The following HS6ST3 variants were observed in gnomAD, a reference collection of about 807,000 sequenced individuals.
HS6ST3 encodes heparan sulfate 6-O-sulfotransferase 3, also known as heparan-sulfate 6-O-sulfotransferase 3.
In HS6ST3, 12 loss-of-function variants were observed where a neutral mutation model predicts 36.7. The ratio of observed to expected loss-of-function variants is 0.33; its 90% CI spans 0.21 to 0.53. HS6ST3 has a LOEUF of 0.53. HS6ST3 is among the 20% of genes least tolerant of loss of function. The probability of loss-of-function intolerance (pLI) is 0.95; values close to 1 mark genes in which losing one functional copy is unlikely to be tolerated. For synonymous variants in HS6ST3, 240 were observed against 257.5 expected (o/e 0.93, Z 0.65); for missense variants, 584 against 640.9 (o/e 0.91, Z 0.96).
At chr13:96,375,910 A>C (rs1268083116) in intron 1 of HS6ST3, among the ~76,000 whole-genome samples, 3 of 152,232 alleles carry the variant, frequency 2.0e-5, no homozygotes, top group African/African-American at 7.2e-5. Context: ...GATATATTTC[A>C]ACGATAATTT....
At chr13:96,272,304 T>C (rs553308848) in intron 1 of HS6ST3, among the ~76,000 whole-genome samples, 2 of 152,162 alleles carry the variant, frequency 1.3e-5, no homozygotes, top group African/African-American at 4.8e-5. Context: ...CTCACGACTG[T>C]GCTGAAATAT....
At chr13:96,177,851 G>A (rs1171036177) in intron 1 of HS6ST3, among the ~76,000 whole-genome samples, 1 of 152,006 alleles carries the variant, frequency 6.6e-6, no homozygotes, top group East Asian at 1.9e-4. Flanking sequence ...AAGAAACCAA[G>A]AGACTTATCA....
Position 96,605,901 on chromosome 13 carries a change from A to G in HS6ST3, c.708-226589A>G, listed in dbSNP as rs543454193. ...AACAAGCAAAAAAAAAAAAAAATTA[A>G]AAAATGGGCAAAGGACAGGGACAGA... On this transcript the variant is annotated intron_variant, in intron 1 of 1. Coordinates refer to ENST00000376705, the MANE Select transcript of HS6ST3 (RefSeq NM_153456.4). Among the ~76,000 whole-genome samples the G allele has an allele frequency of 8.5e-5, 13 of 152,240 alleles. No individual in the cohort carries two copies. The South Asian group carries it at 2.5e-3, about 29-fold the overall frequency.
At chr13:96,283,635 G>T (rs1415537769) in intron 1 of HS6ST3, among the ~76,000 whole-genome samples, 1 of 152,068 alleles carries the variant, frequency 6.6e-6, no homozygotes, top group Non-Finnish European at 1.5e-5. Flanking sequence ...ATACCATTTA[G>T]TTTCACTAAT....
At chr13:96,731,005 A>G (rs568530831) in intron 1 of HS6ST3, among the ~76,000 whole-genome samples, 1 of 152,218 alleles carries the variant, frequency 6.6e-6, no homozygotes, top group Admixed American at 6.5e-5. Flanking sequence ...GTGCAACATG[A>G]TGTTTTGAAG....
intron 1 of HS6ST3, among the ~76,000 whole-genome samples, chr13:96,485,718 G>C (rs74106478): frequency 0.016 from 2,390 of 152,152 alleles, 71 homozygotes; most frequent in African/African-American, 0.054. Context: ...AATTCTTATA[G>C]ATATTCTTTA....
intron 1 of HS6ST3, among the ~76,000 whole-genome samples, chr13:96,800,298 G>GTT (rs796385395): frequency 7.0e-6 from 1 of 143,680 alleles, no homozygotes; most frequent in Non-Finnish European, 1.5e-5. Context: ...GTCCCTCAGT[G>GTT]TTTTTTTTTT....
chr13:96,525,562 G>T (rs544976859), intron 1 of HS6ST3, among the ~76,000 whole-genome samples: 1 of 151,784 alleles, frequency 6.6e-6, no homozygotes, highest in African/African-American at 2.4e-5. Flanking sequence ...ACACACACAC[G>T]CAAACACACA....
chr13:96,404,682 G>A (rs1196568741), intron 1 of HS6ST3, among the ~76,000 whole-genome samples: 1 of 152,218 alleles, frequency 6.6e-6, no homozygotes, highest in Non-Finnish European at 1.5e-5. Context: ...TACCTTAAAA[G>A]CAGCAAAAAC....
chr13:96,193,583 A>G (rs1405412999), intron 1 of HS6ST3, among the ~76,000 whole-genome samples: 2 of 152,138 alleles, frequency 1.3e-5, no homozygotes, highest in Admixed American at 1.3e-4. Context: ...TATGTCTTAA[A>G]TATTTAGGGT....
intron 1 of HS6ST3, among the ~76,000 whole-genome samples, chr13:96,717,097 T>G (rs1374657413): frequency 6.6e-6 from 1 of 152,222 alleles, no homozygotes; most frequent in Non-Finnish European, 1.5e-5. Context: ...GTCTGGGATG[T>G]TAGTAAACAT....
At chr13:96,495,201 T>G (rs1382967330) in intron 1 of HS6ST3, among the ~76,000 whole-genome samples, 2 of 152,200 alleles carry the variant, frequency 1.3e-5, no homozygotes, top group Non-Finnish European at 2.9e-5. Flanking sequence ...GTTTAAGAAT[T>G]TATTGCTGCA....
At chr13:96,658,698 T>C (rs2056635900) in intron 1 of HS6ST3, among the ~76,000 whole-genome samples, 1 of 151,634 alleles carries the variant, frequency 6.6e-6, no homozygotes, top group Non-Finnish European at 1.5e-5. Context: ...TTTATTTATT[T>C]ATTTTATTTT....
intron 1 of HS6ST3, among the ~76,000 whole-genome samples, chr13:96,367,403 A>G (rs186639838): frequency 6.6e-6 from 1 of 152,334 alleles, no homozygotes; most frequent in Admixed American, 6.5e-5. Flanking sequence ...GGCTTCTTTC[A>G]AATCTAATGT....
At chr13:96,648,800 C>T (rs923022965) in intron 1 of HS6ST3, among the ~76,000 whole-genome samples, 6 of 152,052 alleles carry the variant, frequency 3.9e-5, no homozygotes, top group African/African-American at 1.4e-4. Flanking sequence ...TGACTTCCAG[C>T]TCCATCCATG....
At chr13:96,145,777 A>T (rs1202787597) in intron 1 of HS6ST3, among the ~76,000 whole-genome samples, 1 of 152,116 alleles carries the variant, frequency 6.6e-6, no homozygotes, top group Non-Finnish European at 1.5e-5. Flanking sequence ...TAGGGTTTTT[A>T]TGGTTTTAGG....
chr13:96,759,560 C>T (rs1876916559), intron 1 of HS6ST3, among the ~76,000 whole-genome samples: 1 of 151,814 alleles, frequency 6.6e-6, no homozygotes. Context: ...TGTACCACAA[C>T]ACAATTCATA....
intron 1 of HS6ST3, among the ~76,000 whole-genome samples, chr13:96,342,138 A>C (rs1203252142): frequency 2.0e-5 from 3 of 152,212 alleles, no homozygotes; most frequent in Non-Finnish European, 4.4e-5. Flanking sequence ...TATGATAAAA[A>C]TAATATTTAG....
chr13:96,333,263 A>G (rs147377884), intron 1 of HS6ST3, among the ~76,000 whole-genome samples: 316 of 152,334 alleles, frequency 2.1e-3, no homozygotes, highest in African/African-American at 6.7e-3. Context: ...ATGACATCTG[A>G]GTTCAGAATC....
Sources: allele counts gnomAD v4.1 joint callset (sites outside exome capture counted in the v4.1 genomes callset), GRCh38; gene constraint gnomAD v4.1.1; transcripts MANE v1.5; gene names NCBI Gene and HGNC (gene_info 2026-07-23, HGNC 2026-07-21).